MACROD2: variants seen among roughly 807,000 people sequenced by gnomAD.
The protein encoded by MACROD2 is ADP-ribose glycohydrolase MACROD2.
MACROD2 carries 36 observed loss-of-function variants against 70.4 expected under a neutral mutation model. That is an observed-to-expected ratio of 0.51 (90% CI 0.39 to 0.68). The LOEUF is 0.68. Ranked by LOEUF, MACROD2 falls within the 30% of genes least tolerant of loss-of-function variation. MACROD2 has a pLI of 0.00. For missense variants in MACROD2, 496 were observed against 538.4 expected (o/e 0.92, Z 0.78); for synonymous variants, 172 against 178.8 (o/e 0.96, Z 0.30).
intron 5 of MACROD2, among the ~76,000 whole-genome samples, chr20:15,021,929 G>C (rs2075189974): frequency 6.6e-6 from 1 of 152,046 alleles, no homozygotes; most frequent in African/African-American, 2.4e-5. Flanking sequence ...AACTGAGAAA[G>C]AGGGGAGAGG....
At chr20:15,878,102 G>T (rs1457067720) in intron 9 of MACROD2, among the ~76,000 whole-genome samples, 1 of 151,956 alleles carries the variant, frequency 6.6e-6, no homozygotes, top group East Asian at 1.9e-4. Context: ...AGCCAATCTA[G>T]GAATCCTGGC....
intron 8 of MACROD2, among the ~76,000 whole-genome samples, chr20:15,606,778 G>A (rs200735): frequency 1.3e-5 from 2 of 152,138 alleles, no homozygotes; most frequent in South Asian, 2.1e-4. Flanking sequence ...CGAGGCAGGC[G>A]GATCACCTGA....
At chr20:14,325,114 G>GT (rs397866154) in intron 3 of MACROD2, 3,984 of 145,500 alleles carry the variant, frequency 0.027, 56 homozygotes, top group African/African-American at 0.048. Context: ...CATTCAGCCA[G>GT]TTTTTTTTTT....
At chr20:15,204,781 G>A (rs2076687070) in intron 5 of MACROD2, among the ~76,000 whole-genome samples, 1 of 152,074 alleles carries the variant, frequency 6.6e-6, no homozygotes, top group African/African-American at 2.4e-5. Context: ...ATTCCTGGTA[G>A]CATTTCTCAG....
intron 6 of MACROD2, among the ~76,000 whole-genome samples, chr20:15,290,417 T>A (rs2146105855): frequency 6.6e-6 from 1 of 152,320 alleles, no homozygotes; most frequent in Non-Finnish European, 1.5e-5. Flanking sequence ...GAGTTTCTCA[T>A]AAAGTTTCAC....
At chr20:14,786,432 G>C (rs534917608) in intron 5 of MACROD2, among the ~76,000 whole-genome samples, 61 of 152,076 alleles carry the variant, frequency 4.0e-4, no homozygotes, top group African/African-American at 1.5e-3. Context: ...GGGAGAGTTT[G>C]GCTGGGAAGG....
chr20:15,367,012 A>AT lies in MACROD2; in HGVS notation c.541-64386dup, dbSNP rs1175225356. On this transcript the variant is annotated intron_variant, in intron 6 of 17. Transcript: ENST00000684519. ...TGGAGACATTTAACAACTTGTTTAA[A>AT]TTTTTTTAAAATTACTGATTTTTTT... 2.7e-5 allele frequency among the ~76,000 whole-genome samples: 4 copies of AT among 149,590 alleles called. No homozygotes were observed. In the South Asian group the frequency reaches 6.3e-4, roughly 24 times the overall value.
chr20:15,347,224 G>T (rs1030040174), intron 6 of MACROD2, among the ~76,000 whole-genome samples: 1 of 152,102 alleles, frequency 6.6e-6, no homozygotes, highest in African/African-American at 2.4e-5. Flanking sequence ...TAGCCTTATT[G>T]TCCAAGATCT....
intron 5 of MACROD2, among the ~76,000 whole-genome samples, chr20:14,754,355 A>G (rs1010710170): frequency 3.3e-4 from 51 of 152,288 alleles, no homozygotes; most frequent in African/African-American, 1.1e-3. Context: ...CCAAAGTAGC[A>G]TGCATCTAAT....
chr20:15,321,342 T>C (rs2077872170), intron 6 of MACROD2, among the ~76,000 whole-genome samples: 1 of 144,316 alleles, frequency 6.9e-6, no homozygotes, highest in African/African-American at 2.5e-5. Context: ...GTGTTTTCAT[T>C]TTGCCCTCTC....
intron 9 of MACROD2, among the ~76,000 whole-genome samples, chr20:15,874,396 G>A (rs1285012261): frequency 6.6e-6 from 1 of 152,038 alleles, no homozygotes; most frequent in Non-Finnish European, 1.5e-5. Flanking sequence ...TGTCTTCATA[G>A]TAGCATGATT....
chr20:14,186,271 G>GT (rs1305457261), intron 3 of MACROD2, among the ~76,000 whole-genome samples: 3 of 152,126 alleles, frequency 2.0e-5, no homozygotes, highest in Admixed American at 2.0e-4. Context: ...TCATATCAAT[G>GT]TTTTTGCCAT....
intron 5 of MACROD2, among the ~76,000 whole-genome samples, chr20:14,831,073 C>T (rs766228502): frequency 2.0e-5 from 3 of 152,058 alleles, no homozygotes; most frequent in Admixed American, 6.6e-5. Flanking sequence ...TGCTGTGTTG[C>T]GAGCCTCACT....
intron 3 of MACROD2, among the ~76,000 whole-genome samples, chr20:14,329,734 T>A (rs2082799493): frequency 6.6e-6 from 1 of 151,800 alleles, no homozygotes; most frequent in Non-Finnish European, 1.5e-5. Flanking sequence ...GGTAACTTTT[T>A]AGGCATTTCT....
intron 5 of MACROD2, among the ~76,000 whole-genome samples, chr20:14,779,063 C>T (rs1568790845): frequency 6.6e-6 from 1 of 151,968 alleles, no homozygotes; most frequent in Non-Finnish European, 1.5e-5. Context: ...GTAGCATCAA[C>T]CAAAAATGTG....
intron 3 of MACROD2, chr20:14,327,021 G>A (rs376839540): frequency 8.7e-6 from 14 of 1,613,566 alleles, no homozygotes; most frequent in Non-Finnish European, 1.2e-5. Context: ...GGTGATTACG[G>A]GACAGGAAAA....
chr20:14,729,276 C>T (rs57416067), intron 5 of MACROD2, among the ~76,000 whole-genome samples: 21,299 of 151,938 alleles, frequency 0.14, 1,993 homozygotes, highest in South Asian at 0.37. Context: ...AGCATGCTAC[C>T]GTACATACTT....
intron 6 of MACROD2, among the ~76,000 whole-genome samples, chr20:15,409,153 T>C (rs1319297928): frequency 6.6e-6 from 1 of 152,188 alleles, no homozygotes; most frequent in African/African-American, 2.4e-5. Flanking sequence ...TGTGAGGCTT[T>C]GTGCAATAAT....
chr20:15,597,850 A>G (rs1383342257), intron 8 of MACROD2, among the ~76,000 whole-genome samples: 1 of 152,220 alleles, frequency 6.6e-6, no homozygotes, highest in Non-Finnish European at 1.5e-5. Flanking sequence ...AGGCTGAGGC[A>G]GGTGGATCAC....
Sources: allele counts gnomAD v4.1 joint callset (sites outside exome capture counted in the v4.1 genomes callset), GRCh38; gene constraint gnomAD v4.1.1; transcripts MANE v1.5; gene names NCBI Gene and HGNC (gene_info 2026-07-23, HGNC 2026-07-21).